BDNF: variants seen among roughly 807,000 people sequenced by gnomAD.
BDNF encodes the protein brain derived neurotrophic factor.
In BDNF, 1 loss-of-function variant was observed where a neutral mutation model predicts 19.5. The ratio of observed to expected loss-of-function variants is 0.05; its 90% CI spans 0.02 to 0.24. The LOEUF (loss-of-function observed/expected upper bound fraction) is 0.24. Among genes scored for constraint, BDNF ranks in the 10% least tolerant of loss-of-function variants. BDNF has a pLI of 1.00. For missense variants in BDNF, 195 were observed against 317.6 expected, an observed-to-expected ratio of 0.61 and a Z score of 2.93; for synonymous variants, 100 against 121.6, an observed-to-expected ratio of 0.82 and a Z score of 1.17.
rs1460235918 is a variant in BDNF, at chr11:27,659,136, C to A, written c.-21-551G>T. On this transcript the variant is annotated intron_variant, in intron 1 of 1. Transcript: ENST00000356660. The stretch of plus-strand genomic sequence containing the variant: ...ACAGCAGTTGGGGAACTATAAGGAG[C>A]CTTTAAATTGACTTTTTTTTTCCTC... 4 of 1,002,730 alleles carry A rather than the reference C, an allele frequency of 4.0e-6. No homozygotes were observed. The South Asian group carries it at 1.9e-4, about 47-fold the overall frequency. The allele number at this position is 1,002,730 out of a possible 1,614,324, so 62.1% of individuals were successfully genotyped here.
intron 1 of BDNF, among the ~76,000 whole-genome samples, chr11:27,670,994 C>G (rs964905614): frequency 1.3e-5 from 2 of 152,126 alleles, no homozygotes; most frequent in Admixed American, 6.6e-5. Flanking sequence ...ATAGCAAATA[C>G]TTGGAGCCAA....
intron 1 of BDNF, among the ~76,000 whole-genome samples, chr11:27,660,619 C>A (rs1853309280): frequency 6.6e-6 from 1 of 152,150 alleles, no homozygotes; most frequent in African/African-American, 2.4e-5. Context: ...CTTTAGCCAT[C>A]TACATCACAC....
intron 1 of BDNF, among the ~76,000 whole-genome samples, chr11:27,671,099 C>T (rs1802346615): frequency 1.3e-5 from 2 of 151,886 alleles, no homozygotes; most frequent in Admixed American, 1.3e-4. Context: ...TAGGTGGGAA[C>T]TGAACAATGA....
chr11:27,657,269 C>G lies in BDNF; in HGVS notation c.*552G>C, dbSNP rs1487457372. 1.0e-6 allele frequency: 1 copy of G among 986,240 alleles called. No individual in the cohort carries two copies. Among genetic ancestry groups the G allele is most frequent in the Non-Finnish European group, 1.2e-6 (1 of 830,582 alleles). The allele number at this position is 986,240 out of a possible 1,614,324, so 61.1% of individuals were successfully genotyped here. ...AAACGAAAAAAAAACACAAAACAAA[C>G]AAAAATATACCCCCCATCCCCCATC... On this transcript the variant is annotated 3_prime_UTR_variant, in exon 2 of 2. Transcript: ENST00000356660. This position sits in a 1 kb window ranked among gnomAD's most constrained non-coding sequence, Gnocchi z 5.0.
rs796795736 is a variant in BDNF, at chr11:27,657,527, TTTA to T, written c.*291_*293del. 5 of 1,147,658 alleles carry T rather than the reference TTTA, an allele frequency of 4.4e-6. No homozygotes were observed. The South Asian group carries it at 7.9e-5, about 18-fold the overall frequency. The allele number at this position is 1,147,658 out of a possible 1,614,324, so 71.1% of individuals were successfully genotyped here. On this transcript the variant is annotated 3_prime_UTR_variant, in exon 2 of 2. Coordinates refer to ENST00000356660, the MANE Select transcript of BDNF (RefSeq NM_001709.5). This position sits in a 1 kb window ranked among gnomAD's most constrained non-coding sequence, Gnocchi z 5.0. ...AATTCACAATTAAAGCAGCATGCAA[TTTA>T]TTATTTTTTTTAACTTTTTATGTTT...
At chr11:27,713,356 CT>C (rs1487878999) in intron 1 of BDNF, among the ~76,000 whole-genome samples, 1 of 152,200 alleles carries the variant, frequency 6.6e-6, no homozygotes, top group Non-Finnish European at 1.5e-5. Flanking sequence ...TCAAGAGCCC[CT>C]GTATAATTAG....
In BDNF at chr11:27,657,767, T is replaced by C; in HGVS notation, c.*54A>G. The stretch of plus-strand genomic sequence containing the variant: ...AATAATTTACCCTGTTATGTATATA[T>C]ACAAATAGATAATTTTTGTCTCAAT... On this transcript the variant is annotated 3_prime_UTR_variant, in exon 2 of 2. Coordinates refer to ENST00000356660, the MANE Select transcript of BDNF (RefSeq NM_001709.5). This position sits in a 1 kb window ranked among gnomAD's most constrained non-coding sequence, Gnocchi z 5.0. 2 of 1,599,874 alleles carry C rather than the reference T, an allele frequency of 1.3e-6. No homozygotes were observed. The highest frequency in any genetic ancestry group is 1.7e-6 in the Non-Finnish European group (2 of 1,169,464).
intron 1 of BDNF, among the ~76,000 whole-genome samples, chr11:27,712,626 G>A (rs760885009): frequency 2.0e-5 from 3 of 150,054 alleles, no homozygotes; most frequent in African/African-American, 2.5e-5. Flanking sequence ...AGTGATTCTC[G>A]TGCCTCAGCC....
In BDNF at chr11:27,700,377, G is replaced by C. The variant is rs7943622; in HGVS notation, c.-235C>G. 4,504 of 985,686 alleles carry C rather than the reference G, an allele frequency of 4.6e-3. 5 individuals carry two copies. Among genetic ancestry groups the C allele is most frequent in the Non-Finnish European group, 5.2e-3 (4,297 of 830,022 alleles). 61.1% of individuals were successfully genotyped at this position (985,686 alleles called of 1,614,324 possible). On this transcript the variant is annotated 5_prime_UTR_variant, in exon 1 of 2. Transcript: ENST00000356660. Reference sequence around the variant, plus strand: ...CCGGCCCGGGAGCCCGAGGCGCTACGGGGTGCGCGGGACAGCGAGCGGGCG... The same window carrying C: ...CCGGCCCGGGAGCCCGAGGCGCTACCGGGTGCGCGGGACAGCGAGCGGGCG...
chr11:27,674,818 G>T (rs771382101), intron 1 of BDNF: 25 of 945,056 alleles, frequency 2.6e-5, no homozygotes, highest in Non-Finnish European at 3.2e-5. Context: ...TTACATAGTT[G>T]CTATAATAAA....
At chr11:27,684,054 ATTTG>A (rs1407785191) in intron 1 of BDNF, among the ~76,000 whole-genome samples, 1 of 152,090 alleles carries the variant, frequency 6.6e-6, no homozygotes, top group African/African-American at 2.4e-5. Context: ...ATGTTCTTCC[ATTTG>A]TTTGTGTCCT....
rs1445261711 is a variant in BDNF at position 27,719,588 on chromosome 11, G to A, written c.3+1824C>T. The A allele has an allele frequency of 4.1e-6, 4 of 985,002 alleles. No homozygotes were observed. The African/African-American group carries it at 7.0e-5, about 17-fold the overall frequency. The allele number at this position is 985,002 out of a possible 1,614,324, so 61.0% of individuals were successfully genotyped here. ...AGCTCCCCTTCCCTTGAGAAAGCGG[G>A]AACCCTCTAAGCCAGCGCCCGAAAC... On this transcript the variant is annotated intron_variant, in intron 1 of 1. Coordinates refer to the BDNF transcript ENST00000314915.
intron 1 of BDNF, chr11:27,721,366 C>T: frequency 6.2e-7 from 1 of 1,610,338 alleles, no homozygotes; most frequent in Non-Finnish European, 8.5e-7. Flanking sequence ...TGTTAAGCAA[C>T]ATGTCAAGAT....
chr11:27,689,463 T>C (rs1451123630), intron 1 of BDNF, among the ~76,000 whole-genome samples: 4 of 152,218 alleles, frequency 2.6e-5, no homozygotes, highest in Non-Finnish European at 4.4e-5. Flanking sequence ...AAGATTATTA[T>C]TGAAGTGTGC....
intron 1 of BDNF, among the ~76,000 whole-genome samples, chr11:27,684,700 C>A (rs958656495): frequency 2.6e-5 from 4 of 152,002 alleles, no homozygotes; most frequent in African/African-American, 4.8e-5. Context: ...GATGGATTAT[C>A]TTTATTGATT....
At chr11:27,696,089 A>G (rs1858959591) in intron 1 of BDNF, among the ~76,000 whole-genome samples, 1 of 152,192 alleles carries the variant, frequency 6.6e-6, no homozygotes, top group African/African-American at 2.4e-5. Flanking sequence ...ATGATTCCAT[A>G]TAGTCAATAA....
intron 1 of BDNF, among the ~76,000 whole-genome samples, chr11:27,685,476 T>G (rs1857365759): frequency 1.3e-5 from 2 of 151,876 alleles, no homozygotes; most frequent in Admixed American, 1.3e-4. Flanking sequence ...CTCTAGTTCC[T>G]TTAATTGTGA....
At chr11:27,667,846 TAGAC>T (rs574101846) in intron 1 of BDNF, among the ~76,000 whole-genome samples, 1,567 of 152,228 alleles carry the variant, frequency 0.01, 18 homozygotes, top group Non-Finnish European at 0.018. Context: ...CGGTCAATAT[TAGAC>T]AGATCAACAA....
chr11:27,675,582 A>G (rs1855993851), intron 1 of BDNF: 1 of 152,216 alleles, frequency 6.6e-6, no homozygotes, highest in Non-Finnish European at 1.5e-5. Context: ...TTTAGCACCC[A>G]ACAGAATCCC....
Sources: allele counts gnomAD v4.1 joint callset (sites outside exome capture counted in the v4.1 genomes callset), GRCh38; gene constraint gnomAD v4.1.1; non-coding constraint Gnocchi (gnomAD v3.1); transcripts MANE v1.5; gene names NCBI Gene and HGNC (gene_info 2026-07-23, HGNC 2026-07-21).